The following JARID2 variants were observed in gnomAD, a reference collection of about 807,000 sequenced individuals.
JARID2 encodes jumonji and AT-rich interaction domain containing 2.
JARID2 carries 21 observed loss-of-function variants against 125.6 expected under a neutral mutation model. The observed-to-expected ratio is 0.17, with a 90% CI of 0.12 to 0.24. The LOEUF (loss-of-function observed/expected upper bound fraction) is 0.24. Among genes scored for constraint, JARID2 ranks in the 10% least tolerant of loss-of-function variants. JARID2 has a pLI of 1.00. For missense variants in JARID2, 1,303 were observed against 1,639.6 expected, an observed-to-expected ratio of 0.79 and a Z score of 3.55; for synonymous variants, 736 against 661.6, an observed-to-expected ratio of 1.11 and a Z score of -1.73.
intron 16 of JARID2, among the ~76,000 whole-genome samples, chr6:15,514,705 C>T (rs970078791): frequency 1.3e-5 from 2 of 152,164 alleles, no homozygotes; most frequent in East Asian, 1.9e-4. Context: ...TCCTCCTTAC[C>T]TAAGGACGCA....
At chr6:15,442,875 T>C (rs1310262429) in intron 3 of JARID2, among the ~76,000 whole-genome samples, 2 of 152,154 alleles carry the variant, frequency 1.3e-5, no homozygotes, top group African/African-American at 4.8e-5. Flanking sequence ...AGAAACATAA[T>C]TGAATAATTT....
At chr6:15,494,660 G>A (rs2237118) in intron 6 of JARID2, among the ~76,000 whole-genome samples, 58,435 of 151,930 alleles carry the variant, frequency 0.38, 11,393 homozygotes, top group East Asian at 0.5. Flanking sequence ...CACCCGCCTC[G>A]GCCTCCCAAA....
rs146164841 is a variant in JARID2 at position 15,376,638 on chromosome 6, C to G, written c.181+2386C>G. 3.9e-3 allele frequency among the ~76,000 whole-genome samples: 597 copies of G among 152,312 alleles called. 5 individuals are homozygous for G. Among genetic ancestry groups the G allele is most frequent in the Middle Eastern group, 0.024 (7 of 294 alleles). ...AGTCAAGAGGCTGAGACAGGAGGAT[C>G]ACTTGAACCCAGGAGGTCAAGGCTG... On this transcript the variant is annotated intron_variant, in intron 2 of 17. Transcript: ENST00000341776.
rs1771270163 is a variant in JARID2, at chr6:15,511,350, G to A, written c.2901G>A (p.Leu967=). Residue 967 remains leucine (L), a synonymous_variant, in exon 13 of 18, where the codon CTG becomes CTA. Transcript: ENST00000341776. ...AGCTGGAAGATGTGGTCCACACCCT[G>A]CTGCAAGCCAATGGCACCCCAGGGC... ...ENKLEDVVHT[L]LQANGTPGLQ... is the part of the protein sequence containing the mutation. 1 of 1,613,998 alleles carries A rather than the reference G, an allele frequency of 6.2e-7. No individual in the cohort carries two copies. Among genetic ancestry groups the A allele is most frequent in the Middle Eastern group, 1.7e-4 (1 of 6,006 alleles).
chr6:15,309,168 C>T (rs564718574), intron 1 of JARID2, among the ~76,000 whole-genome samples: 25 of 152,242 alleles, frequency 1.6e-4, no homozygotes, highest in African/African-American at 5.5e-4. Flanking sequence ...TTTTTGACCT[C>T]GGAAGGAACT....
chr6:15,473,878 T>C (rs1349413224), intron 5 of JARID2, among the ~76,000 whole-genome samples: 3 of 152,106 alleles, frequency 2.0e-5, no homozygotes, highest in Non-Finnish European at 4.4e-5. Flanking sequence ...AGCTTAGTAA[T>C]ATACAGGCCA....
At chr6:15,388,246 C>T (rs1160379693) in intron 2 of JARID2, among the ~76,000 whole-genome samples, 4 of 152,160 alleles carry the variant, frequency 2.6e-5, no homozygotes, top group African/African-American at 9.6e-5. Context: ...CTTTACTTAG[C>T]TTTTGGAAAT....
chr6:15,258,124 T>C (rs1759736457), intron 1 of JARID2, among the ~76,000 whole-genome samples: 1 of 152,250 alleles, frequency 6.6e-6, no homozygotes, highest in Non-Finnish European at 1.5e-5. Context: ...GGGCTTTGTA[T>C]ATTTACGAAG....
In JARID2 at chr6:15,494,575, A is replaced by AT. The variant is rs538703716; in HGVS notation, c.907-1551dup. Among the ~76,000 whole-genome samples the AT allele has an allele frequency of 2.7e-3, 417 of 151,842 alleles. 3 individuals are homozygous for AT. Among genetic ancestry groups the AT allele is most frequent in the African/African-American group, 9.6e-3 (397 of 41,384 alleles). On this transcript the variant is annotated intron_variant, in intron 6 of 17. Transcript: ENST00000341776. ...AGGCGCACACCGCCACACCCAGCTAATTTTTTGTATTTTTAGTAGAGACGG... is the reference window on the plus strand; with the variant it reads ...AGGCGCACACCGCCACACCCAGCTAATTTTTTTGTATTTTTAGTAGAGACGG...
chr6:15,476,503 A>G (rs1161165916), intron 5 of JARID2, among the ~76,000 whole-genome samples: 1 of 152,226 alleles, frequency 6.6e-6, no homozygotes, highest in Non-Finnish European at 1.5e-5. Flanking sequence ...GTCCCCAGGC[A>G]GATGTTTTGT....
chr6:15,470,917 G>T (rs1769046363), intron 5 of JARID2, among the ~76,000 whole-genome samples: 1 of 152,240 alleles, frequency 6.6e-6, no homozygotes, highest in Non-Finnish European at 1.5e-5. Flanking sequence ...GCACGAGAAA[G>T]AATTCTAATA....
rs529576051 is a variant in JARID2, at chr6:15,496,665, G to C, written c.1440G>C (p.Leu480=). The change falls in exon 7 of 18, where the codon CTG becomes CTC. Residue 480 remains leucine (L), a synonymous_variant. Transcript: ENST00000341776. ...PGKKAPAERG[L]LNGHVKKEVP... is the part of the protein sequence containing the mutation. ...AGAAGGCCCCGGCCGAGAGAGGTCTGCTGAACGGACACGTGAAGAAGGAAG... is the reference window on the plus strand; with the variant it reads ...AGAAGGCCCCGGCCGAGAGAGGTCTCCTGAACGGACACGTGAAGAAGGAAG... 6.2e-7 allele frequency: 1 copy of C among 1,612,740 alleles called. No individual in the cohort carries two copies. The highest frequency in any genetic ancestry group is 2.2e-5 in the East Asian group (1 of 44,870).
intron 4 of JARID2, among the ~76,000 whole-genome samples, chr6:15,466,881 G>C (rs1331110453): frequency 6.6e-6 from 1 of 152,134 alleles, no homozygotes; most frequent in South Asian, 2.1e-4. Context: ...TCTGTGTCAG[G>C]TTTAAGAACC....
intron 6 of JARID2, 136 bp downstream of exon 6, chr6:15,487,678 C>G: frequency 1.3e-6 from 1 of 775,762 alleles, no homozygotes; most frequent in Non-Finnish European, 2.1e-6. Context: ...ACAGACAGAG[C>G]GCACCTTTGC....
intron 2 of JARID2, among the ~76,000 whole-genome samples, chr6:15,385,789 G>C (rs1467108004): frequency 6.6e-6 from 1 of 152,106 alleles, no homozygotes; most frequent in Admixed American, 6.5e-5. Flanking sequence ...AGGGGACTGA[G>C]AGTCTGCCAA....
intron 3 of JARID2, among the ~76,000 whole-genome samples, chr6:15,447,988 T>C (rs1328129946): frequency 6.6e-6 from 1 of 152,232 alleles, no homozygotes; most frequent in African/African-American, 2.4e-5. Flanking sequence ...TTACTCAGGA[T>C]TTGGCTGTGC....
rs532088080 is a variant in JARID2, at chr6:15,404,098, C to T, written c.182-6126C>T. 4.6e-5 allele frequency among the ~76,000 whole-genome samples: 7 copies of T among 152,282 alleles called. No individual in the cohort carries two copies. In the South Asian group the frequency reaches 8.3e-4, roughly 18 times the overall value. Reference sequence around the variant, plus strand: ...GCCTCGTTGACCACAAGTGTGCCACCGACATCCTGCCTCATGACTTGGCAT... The same window carrying T: ...GCCTCGTTGACCACAAGTGTGCCACTGACATCCTGCCTCATGACTTGGCAT... On this transcript the variant is annotated intron_variant, in intron 2 of 17. Coordinates refer to ENST00000341776, the MANE Select transcript of JARID2 (RefSeq NM_004973.4).
chr6:15,480,108 G>A (rs1581623278), intron 5 of JARID2, among the ~76,000 whole-genome samples: 1 of 152,172 alleles, frequency 6.6e-6, no homozygotes, highest in Admixed American at 6.5e-5. Flanking sequence ...AGAAACTTGC[G>A]GTGGATCTCT....
At chr6:15,334,496 A>G (rs1248748454) in intron 1 of JARID2, among the ~76,000 whole-genome samples, 1 of 152,114 alleles carries the variant, frequency 6.6e-6, no homozygotes, top group Non-Finnish European at 1.5e-5. Context: ...TACTTTTCTG[A>G]TCACCCCCTC....
Sources: allele counts gnomAD v4.1 joint callset (sites outside exome capture counted in the v4.1 genomes callset), GRCh38; gene constraint gnomAD v4.1.1; transcripts MANE v1.5; gene names NCBI Gene and HGNC (gene_info 2026-07-23, HGNC 2026-07-21).